ZKSCAN8: variants seen among roughly 807,000 people sequenced by gnomAD.
ZKSCAN8 encodes the protein zinc finger with KRAB and SCAN domains 8, also known as zinc finger protein with KRAB and SCAN domains 8.
Under a neutral mutation model 57.2 loss-of-function variants are expected in ZKSCAN8, and 27 were observed. The ratio of observed to expected loss-of-function variants is 0.47; its 90% CI spans 0.35 to 0.65. The LOEUF (loss-of-function observed/expected upper bound fraction) is 0.65. Ranked by LOEUF, ZKSCAN8 falls within the 30% of genes least tolerant of loss-of-function variation. ZKSCAN8 has a pLI of 0.01. For synonymous variants in ZKSCAN8, 214 were observed against 248.7 expected (o/e 0.86, Z 1.31); for missense variants, 597 against 696.3 (o/e 0.86, Z 1.60).
In ZKSCAN8 at chr6:28,151,868, A is replaced by G; in HGVS notation, c.583A>G (p.Thr195Ala). ...ERAMSTSQSP[T>A]RSQKGSSGDQ... is the part of the protein sequence containing the mutation. ...AGCCATGTCTACTTCCCAGAGTCCT[A>G]CTCGTTCCCAGAAAGGAAGTTCTGG... Residue 195 changes from threonine (T) to alanine (A), a missense_variant, in exon 4 of 6, where the codon ACT (threonine) becomes GCT (alanine). Thr to Ala is a moderately conservative substitution (Grantham distance 58). Coordinates refer to ENST00000330236, the MANE Select transcript of ZKSCAN8 (RefSeq NM_006298.4). The G allele has an allele frequency of 6.2e-7, 1 of 1,614,060 alleles. No individual in the cohort carries two copies. The highest frequency in any genetic ancestry group is 8.5e-7 in the Non-Finnish European group (1 of 1,179,978).
intron 1 of ZKSCAN8, among the ~76,000 whole-genome samples, chr6:28,143,151 C>T (rs1765271570): frequency 6.6e-6 from 1 of 152,204 alleles, no homozygotes; most frequent in African/African-American, 2.4e-5. Flanking sequence ...AAAAATCAGT[C>T]TGTATCCACA....
chr6:28,148,858 G>A, intron 2 of ZKSCAN8, 34 bp downstream of exon 2: 1 of 1,577,144 alleles, frequency 6.3e-7, no homozygotes. Context: ...CTATGACTGT[G>A]GGAGTCCTGG....
chr6:28,150,311 G>T (rs1765552292), intron 3 of ZKSCAN8, among the ~76,000 whole-genome samples: 1 of 151,984 alleles, frequency 6.6e-6, no homozygotes, highest in Non-Finnish European at 1.5e-5. Context: ...CGTGATGTTT[G>T]ATCATGTTTA....
chr6:28,153,452 C>T lies in ZKSCAN8; in HGVS notation c.1172C>T (p.Thr391Ile). The change falls in exon 6 of 6, where the codon ACA becomes ATA. Residue 391 changes from threonine to isoleucine, a missense_variant. Thr to Ile is a moderately conservative substitution (Grantham distance 89, BLOSUM62 -1). Transcript: ENST00000330236. ...TGTGGCAAAGCCTTCAGTCAGAACA[C>T]AGGCCTGATTCTGCACCAGAGAATC... ...KECGKAFSQN[T>I]GLILHQRIHT... 2 of 1,614,196 alleles carry T rather than the reference C, an allele frequency of 1.2e-6. No homozygotes were observed. The highest frequency in any genetic ancestry group is 2.2e-5 in the East Asian group (1 of 44,886).
intron 3 of ZKSCAN8, among the ~76,000 whole-genome samples, 189 bp from the exon 4 acceptor site, chr6:28,151,656 C>T (rs9688782): frequency 2.6e-3 from 390 of 152,284 alleles, no homozygotes; most frequent in African/African-American, 8.8e-3. Context: ...TCAGGGACAT[C>T]GGGGTGCGTA....
rs574854349 is a variant in ZKSCAN8, at chr6:28,154,185, T to G, written c.*168T>G. 3 of 891,208 alleles carry G rather than the reference T, an allele frequency of 3.4e-6. No homozygotes were observed. Among genetic ancestry groups the G allele is most frequent in the East Asian group, 5.3e-5 (2 of 37,876 alleles). The allele number at this position is 891,208 out of a possible 1,614,324, so 55.2% of individuals were successfully genotyped here. On this transcript the variant is annotated 3_prime_UTR_variant, in exon 6 of 6. Coordinates refer to ENST00000330236, the MANE Select transcript of ZKSCAN8 (RefSeq NM_006298.4). ...TCTTTAGTAATTTGGGCCCAGTGCC[T>G]TGGTGAAGGTTGATTAGCTTGACTG...
chr6:28,154,090 G>A lies in ZKSCAN8; in HGVS notation c.*73G>A. ...ACACACTGGTGAGAGGTCTTTCAGTGTACTAAAAGGCAGAAAGGTCATCAC... is the reference window on the plus strand; with the variant it reads ...ACACACTGGTGAGAGGTCTTTCAGTATACTAAAAGGCAGAAAGGTCATCAC... On this transcript the variant is annotated 3_prime_UTR_variant, in exon 6 of 6. Transcript: ENST00000330236. 6.7e-7 allele frequency: 1 copy of A among 1,502,078 alleles called. No individual in the cohort carries two copies. The highest frequency in any genetic ancestry group is 8.8e-7 in the Non-Finnish European group (1 of 1,132,966). The allele number at this position is 1,502,078 out of a possible 1,614,324, so 93.0% of individuals were successfully genotyped here. A position where few individuals can be genotyped will look rare whatever the true frequency, so the allele number is the denominator to read the frequency against.
chr6:28,149,535 C>G lies in ZKSCAN8; in HGVS notation c.470C>G (p.Ser157Ter). The G allele has an allele frequency of 6.2e-7, 1 of 1,614,154 alleles. No homozygotes were observed. The highest frequency in any genetic ancestry group is 8.5e-7 in the Non-Finnish European group (1 of 1,180,028). The change falls in exon 3 of 6, where the codon TCA becomes TGA. Residue 157 changes from serine (S) to a stop codon, truncating the protein, a stop_gained. Transcript: ENST00000330236. LOFTEE classifies it high-confidence loss of function. ...HRVLWEEVVH[S>*]ASAPEPPNTQ... Reference sequence around the variant, plus strand: ...GTACTCTGGGAGGAGGTAGTACATTCAGCATCTGCACCAGAGCCTCCAAAT... The same window carrying G: ...GTACTCTGGGAGGAGGTAGTACATTGAGCATCTGCACCAGAGCCTCCAAAT...
At chr6:28,145,823 CAT>C (rs991167244) in intron 1 of ZKSCAN8, among the ~76,000 whole-genome samples, 1 of 152,170 alleles carries the variant, frequency 6.6e-6, no homozygotes, top group African/African-American at 2.4e-5. Flanking sequence ...GTGTGCCAGT[CAT>C]ATTGGTTTAA....
chr6:28,145,116 T>A (rs955138402), intron 1 of ZKSCAN8, among the ~76,000 whole-genome samples: 14 of 152,156 alleles, frequency 9.2e-5, no homozygotes, highest in Non-Finnish European at 1.5e-5. Flanking sequence ...AACCTTGGCA[T>A]TGACACTTTG....
Position 28,159,218 on chromosome 6 carries a change from T to C in ZKSCAN8, c.*5201T>C, listed in dbSNP as rs984039975. On this transcript the variant is annotated 3_prime_UTR_variant, in exon 6 of 6. Coordinates refer to ENST00000330236, the MANE Select transcript of ZKSCAN8 (RefSeq NM_006298.4). ...CCTCATGCGATGACCTCCCTCATTC[T>C]GTGCTGCCTCAGCACTTATCTTTTG... is the stretch of plus-strand genomic sequence containing the variant. 6.6e-6 allele frequency: 1 copy of C among 152,252 alleles called. No homozygotes were observed. Among genetic ancestry groups the C allele is most frequent in the African/African-American group, 2.4e-5 (1 of 41,462 alleles). The allele number at this position is 152,252 out of a possible 1,614,324, so 9.4% of individuals were successfully genotyped here.
Position 28,153,704 on chromosome 6 carries a change from C to T in ZKSCAN8, c.1424C>T (p.Ser475Leu), listed in dbSNP as rs1289652112. ...TGTGGGAAAACCTTCAGGCGGAGCT[C>T]ACATCTTATTGGTCATCAGAGGAGC... ...DECGKTFRRS[S>L]HLIGHQRSHT... Residue 475 changes from serine to leucine, a missense_variant, in exon 6 of 6, where the codon TCA (serine) becomes TTA (leucine). Physicochemically the swap from Ser to Leu is moderately radical, Grantham distance 145 (BLOSUM62 -2). Transcript: ENST00000330236. The T allele has an allele frequency of 7.4e-6, 12 of 1,613,996 alleles. No homozygotes were observed. The highest frequency in any genetic ancestry group is 1.0e-5 in the Non-Finnish European group (12 of 1,179,978).
Position 28,159,355 on chromosome 6 carries a change from C to A in ZKSCAN8, c.*5338C>A, listed in dbSNP as rs552011315. Reference sequence around the variant, plus strand: ...TATTTCCAAAATTAAATTGTAAGCTCCTTGAGGGCAGGAATAATAACTTTT... The same window carrying A: ...TATTTCCAAAATTAAATTGTAAGCTACTTGAGGGCAGGAATAATAACTTTT... On this transcript the variant is annotated 3_prime_UTR_variant, in exon 6 of 6. Transcript: ENST00000330236. 1 of 152,304 alleles carries A rather than the reference C, an allele frequency of 6.6e-6. No homozygotes were observed. Among genetic ancestry groups the A allele is most frequent in the African/African-American group, 2.4e-5 (1 of 41,570 alleles). 9.4% of individuals were successfully genotyped at this position (152,304 alleles called of 1,614,324 possible).
rs62638669 is a variant in ZKSCAN8, at chr6:28,153,915, C to G, written c.1635C>G (p.Pro545=). 1.2e-6 allele frequency: 2 copies of G among 1,614,168 alleles called. No homozygotes were observed. ...TGAGAATTCACACAGGGGAGAAGCC[C>G]TACCAATGTAATGAGTGTGGGAAAG... ...QHLRIHTGEK[P]YQCNECGKAF... The change falls in exon 6 of 6, where the codon CCC becomes CCG. Residue 545 remains proline (P), a synonymous_variant. Transcript: ENST00000330236.
chr6:28,153,170 T>C lies in ZKSCAN8; in HGVS notation c.890T>C (p.Leu297Pro). 1 of 1,614,188 alleles carries C rather than the reference T, an allele frequency of 6.2e-7. No individual in the cohort carries two copies. Among genetic ancestry groups the C allele is most frequent in the Non-Finnish European group, 8.5e-7 (1 of 1,180,038 alleles). The change falls in exon 6 of 6, where the codon CTT becomes CCT. Residue 297 changes from leucine (L) to proline (P), a missense_variant. By Grantham distance (98) the Leu-to-Pro change is moderately conservative. Transcript: ENST00000330236. ...AKCNGDVIRG[L>P]EHEEARDLLG... ...TGCAACGGGGATGTTATCAGGGGTC[T>C]TGAGCATGAAGAAGCCCGAGACCTT...
intron 1 of ZKSCAN8, among the ~76,000 whole-genome samples, chr6:28,145,665 G>A (rs757454930): frequency 1.8e-4 from 28 of 152,124 alleles, no homozygotes; most frequent in Non-Finnish European, 3.1e-4. Context: ...TGTTTTTACT[G>A]ACAAACTTTG....
intron 3 of ZKSCAN8, among the ~76,000 whole-genome samples, chr6:28,150,441 G>C (rs1175212863): frequency 6.6e-6 from 1 of 152,076 alleles, no homozygotes; most frequent in African/African-American, 2.4e-5. Context: ...TCCTATTATT[G>C]GTGGTGTTAT....
In ZKSCAN8 at chr6:28,149,653, G is replaced by C. The variant is rs201805265; in HGVS notation, c.559+29G>C. The C allele has an allele frequency of 5.0e-4, 806 of 1,609,398 alleles. 3 individuals carry two copies. In the Middle Eastern group the frequency reaches 7.0e-3, roughly 14 times the overall value. On this transcript the variant is annotated intron_variant, in intron 3 of 5. Transcript: ENST00000330236. ...AGTAGCCAGATTTCATTGATGATAAGGGGGGGAAGTACAAATAAAAGTCCA... is the reference window on the plus strand; with the variant it reads ...AGTAGCCAGATTTCATTGATGATAACGGGGGGAAGTACAAATAAAAGTCCA...
chr6:28,154,184 C>T lies in ZKSCAN8; in HGVS notation c.*167C>T. On this transcript the variant is annotated 3_prime_UTR_variant, in exon 6 of 6. Transcript: ENST00000330236. ...CTCTTTAGTAATTTGGGCCCAGTGC[C>T]TTGGTGAAGGTTGATTAGCTTGACT... is the stretch of plus-strand genomic sequence containing the variant. 3.2e-6 allele frequency: 3 copies of T among 952,070 alleles called. No homozygotes were observed. The highest frequency in any genetic ancestry group is 2.6e-5 in the East Asian group (1 of 38,428). 59.0% of individuals were successfully genotyped at this position (952,070 alleles called of 1,614,324 possible).
Sources: gnomAD v4.1 joint callset for allele counts (sites outside exome capture counted in the v4.1 genomes callset) on GRCh38, gnomAD v4.1.1 for gene constraint, MANE v1.5 for transcripts, NCBI Gene and HGNC (gene_info 2026-07-23, HGNC 2026-07-21) for gene names.